Variants in FANCA observed in about 807,000 individuals in gnomAD.
The protein encoded by FANCA is Fanconi anemia group A protein.
In FANCA, 236 loss-of-function variants were observed where a neutral mutation model predicts 194.3. That is an observed-to-expected ratio of 1.21 (90% CI 1.09 to 1.35). FANCA has a LOEUF of 1.35. Among genes scored for constraint, FANCA ranks in the 40% most tolerant of loss-of-function variants. FANCA has a pLI of 0.00. For synonymous variants in FANCA, 1,014 were observed against 715.8 expected (o/e 1.42, Z -6.65); for missense variants, 2,628 against 1,813.9 (o/e 1.45, Z -8.15).
chr16:89,799,242 G>A lies in FANCA; in HGVS notation c.827-10C>T. ...AAAGCGTCAAGTGCAACTGAAGACAGAGCCAGGAACAGAAAACAGATGTCA... is the reference window on the plus strand; with the variant it reads ...AAAGCGTCAAGTGCAACTGAAGACAAAGCCAGGAACAGAAAACAGATGTCA... On this transcript the variant is annotated splice_polypyrimidine_tract_variant and intron_variant, in intron 9 of 42. Coordinates refer to ENST00000389301, the MANE Select transcript of FANCA (RefSeq NM_000135.4). The A allele has an allele frequency of 1.2e-6, 2 of 1,613,836 alleles. No homozygotes were observed. Among genetic ancestry groups the A allele is most frequent in the Non-Finnish European group, 1.7e-6 (2 of 1,179,966 alleles).
rs367970303 is a variant in FANCA at position 89,739,155 on chromosome 16, C to A, written c.4145G>T (p.Arg1382Met). The change falls in exon 41 of 43, where the codon AGG (arginine) becomes ATG (methionine). Residue 1382 changes from arginine to methionine, a missense_variant. Arg to Met is a moderately conservative substitution (Grantham distance 91, BLOSUM62 -1). Transcript: ENST00000389301. ...TGCCTGACCCTTGAGCTCCAGGCTCCTGCCAGCTGGAGGTGAAACTGTGCT... is the reference window on the plus strand; with the variant it reads ...TGCCTGACCCTTGAGCTCCAGGCTCATGCCAGCTGGAGGTGAAACTGTGCT... ...DTSTVSPPAG[R>M]SLELKGQGNP... 9.9e-6 allele frequency: 16 copies of A among 1,614,042 alleles called. No homozygotes were observed. Among genetic ancestry groups the A allele is most frequent in the African/African-American group, 1.3e-5 (1 of 74,936 alleles).
At chr16:89,743,107 TG>T (rs1468062629) in intron 36 of FANCA, among the ~76,000 whole-genome samples, 169 bp from the exon 37 acceptor site, 3 of 152,178 alleles carry the variant, frequency 2.0e-5, no homozygotes, top group African/African-American at 7.2e-5. Flanking sequence ...CAGGTCCACG[TG>T]AGAGTGTGGG....
At chr16:89,764,856 G>A (rs780197902) in intron 28 of FANCA, 34 bp downstream of exon 28, 10 of 1,609,152 alleles carry the variant, frequency 6.2e-6, no homozygotes, top group South Asian at 2.2e-5. Flanking sequence ...GACTCAGGAC[G>A]TGGCATGATG....
rs2151709180 is a variant in FANCA, at chr16:89,738,441, G to C, written c.*160C>G. 7.2e-7 allele frequency: 1 copy of C among 1,388,464 alleles called. No individual in the cohort carries two copies. The highest frequency in any genetic ancestry group is 1.3e-5 in the South Asian group (1 of 79,094). 86.0% of individuals were successfully genotyped at this position (1,388,464 alleles called of 1,614,324 possible). A position where few individuals can be genotyped will look rare whatever the true frequency, so the allele number is the denominator to read the frequency against. ...TGGTTTATTTTCCCGCAAACGCTGA[G>C]TGACTCGGGGCCGGACAGTTCATAA... On this transcript the variant is annotated 3_prime_UTR_variant, in exon 43 of 43. Coordinates refer to ENST00000389301, the MANE Select transcript of FANCA (RefSeq NM_000135.4).
chr16:89,812,158 A>C (rs2040909921), intron 3 of FANCA, among the ~76,000 whole-genome samples: 2 of 149,332 alleles, frequency 1.3e-5, no homozygotes, highest in Admixed American at 1.3e-4. Flanking sequence ...ACACGGTGAA[A>C]CCCTGTCTCT....
chr16:89,764,063 G>A (rs2039043718), intron 28 of FANCA, among the ~76,000 whole-genome samples: 1 of 151,706 alleles, frequency 6.6e-6, no homozygotes, highest in African/African-American at 2.4e-5. Context: ...ACAACATGGT[G>A]AAACCCCGTC....
intron 10 of FANCA, chr16:89,798,289 C>T (rs1449033502): frequency 3.1e-6 from 3 of 965,756 alleles, no homozygotes; most frequent in African/African-American, 3.5e-5. Flanking sequence ...ACACATCTGC[C>T]GTCCACACCG....
rs150719428 is a variant in FANCA at position 89,742,847 on chromosome 16, C to G, written c.3718G>C (p.Glu1240Gln). Residue 1240 changes from glutamate to glutamine, a missense_variant, in exon 37 of 43, where the codon GAA (glutamate) becomes CAA (glutamine). By Grantham distance (29) the Glu-to-Gln change is conservative. Coordinates refer to ENST00000389301, the MANE Select transcript of FANCA (RefSeq NM_000135.4). ...TTCTTTAGCTGCTTCCTGATGTTTTCTTCCCTGACTTGTTGAATCGCAAAG... is the reference window on the plus strand; with the variant it reads ...TTCTTTAGCTGCTTCCTGATGTTTTGTTCCCTGACTTGTTGAATCGCAAAG... ...LHFAIQQVRE[E>Q]NIRKQLKKLD... 38 of 1,614,068 alleles carry G rather than the reference C, an allele frequency of 2.4e-5. No individual in the cohort carries two copies. The highest frequency in any genetic ancestry group is 3.0e-5 in the Non-Finnish European group (35 of 1,180,030).
intron 28 of FANCA, 123 bp downstream of exon 28, chr16:89,764,767 C>T (rs148206674): frequency 8.4e-6 from 10 of 1,187,036 alleles, no homozygotes; most frequent in East Asian, 7.0e-5. Context: ...ACCCTAGACT[C>T]GGGACGTGGC....
chr16:89,765,073 C>CAG lies in FANCA; in HGVS notation c.2602-9_2602-8dup. The CAG allele has an allele frequency of 6.2e-7, 1 of 1,613,956 alleles. No individual in the cohort carries two copies. Among genetic ancestry groups the CAG allele is most frequent in the African/African-American group, 1.3e-5 (1 of 75,058 alleles). ...TGAACATGAGGAACTGAAACTGAAACAGAGAGTGACCCGGCCGTTTCTTCA... is the reference window on the plus strand; with the variant it reads ...TGAACATGAGGAACTGAAACTGAAACAGAGAGAGTGACCCGGCCGTTTCTTCA... On this transcript the variant is annotated splice_polypyrimidine_tract_variant and splice_region_variant and intron_variant, in intron 27 of 42. Transcript: ENST00000389301.
intron 35 of FANCA, among the ~76,000 whole-genome samples, chr16:89,746,322 G>A (rs1452371592): frequency 1.3e-5 from 2 of 152,198 alleles, no homozygotes; most frequent in African/African-American, 4.8e-5. Flanking sequence ...TGCCCGTGGG[G>A]TCTGAGTGGG....
intron 37 of FANCA, 145 bp downstream of exon 37, chr16:89,742,655 A>C: frequency 3.5e-6 from 1 of 286,858 alleles, no homozygotes; most frequent in Non-Finnish European, 5.4e-6. Context: ...TAAAAATACA[A>C]AAAAAAAAAA....
At chr16:89,775,699 A>G (rs1356438140) in intron 21 of FANCA, 43 bp downstream of exon 21, 1 of 1,530,876 alleles carries the variant, frequency 6.5e-7, no homozygotes, top group Admixed American at 1.8e-5. Context: ...AGGAAAATGG[A>G]AAAGCACAAG....
intron 17 of FANCA, 48 bp from the exon 18 acceptor site, chr16:89,780,005 G>C: frequency 2.6e-6 from 4 of 1,547,366 alleles, no homozygotes; most frequent in Non-Finnish European, 3.6e-6. Context: ...GGACTTTAAA[G>C]AAAAGACTGA....
At position 89,789,070 on chromosome 16, in the gene FANCA, G is replaced by A. The variant is rs542630368; in HGVS notation, c.1359+2333C>T. On this transcript the variant is annotated intron_variant, in intron 14 of 42. Coordinates refer to ENST00000389301, the MANE Select transcript of FANCA (RefSeq NM_000135.4). The stretch of plus-strand genomic sequence containing the variant: ...ACTCCTGACCCAAGAGCACCAGGTG[G>A]ATTCTGGCACAAATCTCTCAGCGCC... 4.3e-4 allele frequency among the ~76,000 whole-genome samples: 65 copies of A among 152,152 alleles called. 1 individual carries two copies. The highest frequency in any genetic ancestry group is 3.4e-3 in the Middle Eastern group (1 of 294).
In FANCA at chr16:89,808,368, C is replaced by G. The variant is rs1477653630; in HGVS notation, c.523-1G>C. 1 of 1,614,058 alleles carries G rather than the reference C, an allele frequency of 6.2e-7. No homozygotes were observed. Among genetic ancestry groups the G allele is most frequent in the Admixed American group, 1.7e-5 (1 of 60,006 alleles). ...ACACCGCTTCAAGCAACAAAGAACT[C>G]TGAAAAACAAAACAAAACAAACAAA... is the stretch of plus-strand genomic sequence containing the variant. On this transcript the variant is annotated splice_acceptor_variant, in intron 5 of 42. Transcript: ENST00000389301. LOFTEE classifies it high-confidence loss of function.
intron 29 of FANCA, among the ~76,000 whole-genome samples, chr16:89,759,318 T>TAAGAAAAAAAAAAAA (rs2038866330): frequency 1.3e-5 from 1 of 75,180 alleles, no homozygotes; most frequent in Non-Finnish European, 2.6e-5. Flanking sequence ...AGACTCCGTC[T>TAAGAAAAAAAAAAAA]AAAAAAAAAA....
Position 89,767,226 on chromosome 16 carries a change from G to C in FANCA, c.2516C>G (p.Ala839Gly), listed in dbSNP as rs779690926. 5 of 1,611,408 alleles carry C rather than the reference G, an allele frequency of 3.1e-6. No individual in the cohort carries two copies. The East Asian group carries it at 1.1e-4, about 36-fold the overall frequency. ...SLFFCLKFCT[A>G]AISYSLCKFS... ...CTTGCAGAGAGAGTAAGAAATTGCT[G>C]CTGTACAAAATCTGAAAACAGAAAT... Residue 839 changes from alanine (A) to glycine (G), a missense_variant, in exon 27 of 43, where the codon GCA (alanine) becomes GGA (glycine). Transcript: ENST00000389301.
intron 10 of FANCA, chr16:89,798,920 G>A: frequency 6.2e-7 from 1 of 1,601,600 alleles, no homozygotes; most frequent in Non-Finnish European, 8.5e-7. Context: ...AGGACTTCCA[G>A]AGGCGGAACA....
Sources: allele counts gnomAD v4.1 joint callset (sites outside exome capture counted in the v4.1 genomes callset), GRCh38; gene constraint gnomAD v4.1.1; transcripts MANE v1.5; gene names NCBI Gene and HGNC (gene_info 2026-07-23, HGNC 2026-07-21).